Variants in RBFOX1 observed in about 807,000 individuals in gnomAD.
The protein encoded by RBFOX1 is RNA binding protein fox-1 homolog 1.
RBFOX1 carries 8 observed loss-of-function variants against 57.7 expected under a neutral mutation model. That is an observed-to-expected ratio of 0.14 (90% CI 0.08 to 0.25). The LOEUF (loss-of-function observed/expected upper bound fraction) is 0.25. Among genes scored for constraint, RBFOX1 ranks in the 10% least tolerant of loss-of-function variants. The pLI is 1.00. For synonymous variants in RBFOX1, 326 were observed against 222.4 expected, an observed-to-expected ratio of 1.47 and a Z score of -4.15; for missense variants, 611 against 548.5, an observed-to-expected ratio of 1.11 and a Z score of -1.14.
At chr16:7,512,719 C>T (rs151210307) in intron 4 of RBFOX1, among the ~76,000 whole-genome samples, 1 of 152,336 alleles carries the variant, frequency 6.6e-6, no homozygotes, top group Non-Finnish European at 1.5e-5. Context: ...GTGGTGCCCC[C>T]AGCTGGCCCT....
At chr16:5,410,340 C>G (rs912058113) in intron 1 of RBFOX1, among the ~76,000 whole-genome samples, 7 of 150,362 alleles carry the variant, frequency 4.7e-5, no homozygotes, top group Non-Finnish European at 8.9e-5. Flanking sequence ...CCACTGCACT[C>G]TAGCCTGGGT....
intron 4 of RBFOX1, among the ~76,000 whole-genome samples, chr16:7,511,009 C>G (rs2074938644): frequency 1.3e-5 from 2 of 152,136 alleles, no homozygotes; most frequent in Admixed American, 1.3e-4. Context: ...AGGGTGTGCT[C>G]AAGAAGTTTG....
intron 1 of RBFOX1, chr16:5,365,702 C>T (rs1370718006): frequency 5.5e-6 from 2 of 360,928 alleles, no homozygotes; most frequent in African/African-American, 2.2e-5. Context: ...AGAGCTTTCC[C>T]TGGTGTGATT....
At chr16:6,713,536 C>T (rs148142903) in intron 3 of RBFOX1, among the ~76,000 whole-genome samples, 1 of 152,026 alleles carries the variant, frequency 6.6e-6, no homozygotes, top group South Asian at 2.1e-4. Flanking sequence ...GCAAGTAAAA[C>T]CCCCTCCCCA....
intron 3 of RBFOX1, among the ~76,000 whole-genome samples, chr16:5,640,710 CACGT>C (rs1045593115): frequency 6.6e-6 from 1 of 151,560 alleles, no homozygotes; most frequent in Non-Finnish European, 1.5e-5. Flanking sequence ...CCTATGCACA[CACGT>C]ACACTATGCA....
intron 3 of RBFOX1, among the ~76,000 whole-genome samples, chr16:7,011,627 C>T (rs894740352): frequency 4.6e-5 from 7 of 152,180 alleles, no homozygotes; most frequent in African/African-American, 1.7e-4. Context: ...CATTATCCAG[C>T]CTCAGCCTTC....
chr16:6,203,980 C>CTTTTTTTTTTT (rs60829829), intron 1 of RBFOX1, among the ~76,000 whole-genome samples: 2 of 137,730 alleles, frequency 1.5e-5, no homozygotes, highest in Non-Finnish European at 3.1e-5. Context: ...TGTTTTGTTT[C>CTTTTTTTTTTT]TTTTTTTTTT....
At chr16:7,097,897 C>G (rs1177118130) in intron 4 of RBFOX1, among the ~76,000 whole-genome samples, 21 of 152,208 alleles carry the variant, frequency 1.4e-4, no homozygotes, top group Non-Finnish European at 2.9e-5. Flanking sequence ...TAGTGCCTCA[C>G]ACAATGGCCT....
chr16:7,001,175 C>A (rs1035304553), intron 3 of RBFOX1, among the ~76,000 whole-genome samples: 1 of 152,034 alleles, frequency 6.6e-6, no homozygotes, highest in Non-Finnish European at 1.5e-5. Context: ...CTTGCATATT[C>A]CAAAGGAGAC....
chr16:5,572,884 A>C (rs2046329773), intron 2 of RBFOX1, among the ~76,000 whole-genome samples: 2 of 152,308 alleles, frequency 1.3e-5, no homozygotes, highest in South Asian at 4.1e-4. Flanking sequence ...TTGAGGCCAG[A>C]CAGGTAATGG....
chr16:6,984,492 C>G (rs1052307923), intron 3 of RBFOX1, among the ~76,000 whole-genome samples: 1 of 152,126 alleles, frequency 6.6e-6, no homozygotes, highest in Non-Finnish European at 1.5e-5. Flanking sequence ...GGTTTTGTTA[C>G]TTGCAGCCTA....
At chr16:5,687,443 A>G (rs1200814311) in intron 3 of RBFOX1, among the ~76,000 whole-genome samples, 2 of 152,356 alleles carry the variant, frequency 1.3e-5, no homozygotes, top group African/African-American at 4.8e-5. Flanking sequence ...TGATATGTAC[A>G]TCTCACAACT....
chr16:5,625,631 T>C (rs1254086449), intron 3 of RBFOX1, among the ~76,000 whole-genome samples: 12 of 152,062 alleles, frequency 7.9e-5, no homozygotes, highest in Non-Finnish European at 2.9e-5. Flanking sequence ...AATCTTGGCT[T>C]ACTGCAACCT....
At chr16:7,612,609 A>G (rs1016782304) in intron 10 of RBFOX1, among the ~76,000 whole-genome samples, 1 of 151,718 alleles carries the variant, frequency 6.6e-6, no homozygotes, top group African/African-American at 2.4e-5. Flanking sequence ...CTTCTAATAA[A>G]AAAATATATA....
intron 2 of RBFOX1, among the ~76,000 whole-genome samples, chr16:6,631,956 T>G (rs538424612): frequency 6.6e-6 from 1 of 152,256 alleles, no homozygotes; most frequent in South Asian, 2.1e-4. Context: ...AAGAGCTATG[T>G]TGGGAGCTGG....
chr16:7,356,926 A>G (rs866933346), intron 4 of RBFOX1, among the ~76,000 whole-genome samples: 2 of 152,166 alleles, frequency 1.3e-5, no homozygotes, highest in Non-Finnish European at 1.5e-5. Context: ...TGCAGGGGAA[A>G]GAAGATTGAG....
chr16:7,042,943 T>A (rs2046659376), intron 3 of RBFOX1, among the ~76,000 whole-genome samples: 1 of 152,086 alleles, frequency 6.6e-6, no homozygotes, highest in African/African-American at 2.4e-5. Flanking sequence ...AATAAATAAA[T>A]AAAGTGATTA....
At chr16:5,678,377 A>G (rs181795978) in intron 3 of RBFOX1, among the ~76,000 whole-genome samples, 1 of 152,358 alleles carries the variant, frequency 6.6e-6, no homozygotes, top group East Asian at 1.9e-4. Flanking sequence ...ATTCGTCCCA[A>G]GAACTCCTTT....
intron 1 of RBFOX1, among the ~76,000 whole-genome samples, chr16:5,362,654 G>A (rs935002237): frequency 1.4e-4 from 22 of 151,976 alleles, no homozygotes; most frequent in African/African-American, 4.8e-4. Context: ...GAGCCACCGC[G>A]CCAGGCCACA....
Sources: allele counts gnomAD v4.1 joint callset (sites outside exome capture counted in the v4.1 genomes callset), GRCh38; gene constraint gnomAD v4.1.1; transcripts MANE v1.5; gene names NCBI Gene and HGNC (gene_info 2026-07-23, HGNC 2026-07-21).